NLRP7: variants seen among roughly 807,000 people sequenced by gnomAD.
The protein encoded by NLRP7 is NACHT, LRR and PYD domains-containing protein 7.
NLRP7 carries 72 observed loss-of-function variants against 85.5 expected under a neutral mutation model. The ratio of observed to expected loss-of-function variants is 0.84; its 90% CI spans 0.70 to 1.02. The LOEUF is 1.02. Among genes scored for constraint, NLRP7 ranks in the 50% least tolerant of loss-of-function variants. The pLI, the probability that NLRP7 is intolerant of heterozygous loss-of-function variation, is 0.00. For synonymous variants in NLRP7, 550 were observed against 505.2 expected (o/e 1.09, Z -1.19); for missense variants, 1,243 against 1,219.5 (o/e 1.02, Z -0.29).
At chr19:54,943,433 C>G (rs1373143780) in intron 1 of NLRP7, among the ~76,000 whole-genome samples, 1 of 152,060 alleles carries the variant, frequency 6.6e-6, no homozygotes, top group East Asian at 1.9e-4. Context: ...AACCCCGTCT[C>G]TACTAAAAAT....
chr19:54,965,413 CT>C lies in NLRP7; in HGVS notation c.-77+626del. On this transcript the variant is annotated intron_variant, in intron 1 of 2. Transcript: ENST00000587103. ...CTCCGGCAGCTCTGCAACTTCATTT[CT>C]TTATTTCTCCATTCCACAGTTGGTA... is the stretch of plus-strand genomic sequence containing the variant. 2 of 100,206 alleles carry C rather than the reference CT, an allele frequency of 2.0e-5. 1 individual carries two copies. Among genetic ancestry groups the C allele is most frequent in the Non-Finnish European group, 4.2e-5 (2 of 47,770 alleles). The allele number at this position is 100,206 out of a possible 1,614,324, so 6.2% of individuals were successfully genotyped here.
rs1392275574 is a variant in NLRP7 at position 54,940,488 on chromosome 19, C to G, written c.353-22G>C. ...TCACCTGCAGTGACAGCCCATAGGA[C>G]AGTTGAGGTTGATGATGATGATTTT... On this transcript the variant is annotated intron_variant, in intron 3 of 9. Transcript: ENST00000340844. The G allele has an allele frequency of 2.5e-6, 4 of 1,612,408 alleles. No individual in the cohort carries two copies. In the Admixed American group the frequency reaches 5.0e-5, roughly 20 times the overall value.
chr19:54,945,694 G>A (rs1056361861), intron 1 of NLRP7, among the ~76,000 whole-genome samples: 1 of 152,152 alleles, frequency 6.6e-6, no homozygotes, highest in East Asian at 1.9e-4. Flanking sequence ...CACCTCCCAG[G>A]TTCAAGTGAT....
At chr19:54,947,559 GGA>G (rs2069529277), upstream of NLRP7, 1 of 1,289,480 alleles carries the variant, frequency 7.8e-7, no homozygotes, top group Non-Finnish European at 1.0e-6. Flanking sequence ...TACGCTAGGT[GGA>G]GAGACAGCTT....
rs2068803608 is a variant in NLRP7, at chr19:54,934,353, C to A, written c.2471+136G>T. On this transcript the variant is annotated intron_variant, in intron 7 of 9. Transcript: ENST00000340844. This position sits in a 1 kb window ranked among gnomAD's most constrained non-coding sequence, Gnocchi z 6.7. ...CTCTGCTGAGATTACAGGCAGGAGC[C>A]ACCGTGCCGGGCCTGAAGCAGGTGT... 1 of 879,164 alleles carries A rather than the reference C, an allele frequency of 1.1e-6. No homozygotes were observed. The highest frequency in any genetic ancestry group is 1.9e-6 in the Non-Finnish European group (1 of 515,326). 54.5% of individuals were successfully genotyped at this position (879,164 alleles called of 1,614,324 possible). A position where few individuals can be genotyped will look rare whatever the true frequency, so the allele number is the denominator to read the frequency against.
At chr19:54,940,410 T>C in exon 4 of NLRP7, 1 of 1,614,038 alleles carries the variant, frequency 6.2e-7, no homozygotes, top group Admixed American at 1.7e-5. Context: ...TGCCAAAAGG[T>C]GTTCTTCCAG....
intron 1 of NLRP7, among the ~76,000 whole-genome samples, chr19:54,962,669 A>G (rs548167995): frequency 5.2e-4 from 78 of 150,202 alleles, no homozygotes; most frequent in African/African-American, 1.4e-3. Flanking sequence ...GCGCGATCTC[A>G]GCTCACTGCA....
chr19:54,924,044 T>C (rs750214792), intron 9 of NLRP7, among the ~76,000 whole-genome samples, 172 bp from the exon 11 acceptor site: 5 of 152,152 alleles, frequency 3.3e-5, no homozygotes, highest in Non-Finnish European at 7.3e-5. Flanking sequence ...CTTGGCTCTC[T>C]GCAACCTCCA....
At chr19:54,933,971 C>T (rs1195545786) in intron 7 of NLRP7, among the ~76,000 whole-genome samples, 1 of 152,184 alleles carries the variant, frequency 6.6e-6, no homozygotes, top group Non-Finnish European at 1.5e-5. Context: ...GAGACGGAGT[C>T]TCGCTCTGTC....
At chr19:54,961,022 G>A (rs2070024194) in intron 1 of NLRP7, among the ~76,000 whole-genome samples, 2 of 152,146 alleles carry the variant, frequency 1.3e-5, no homozygotes, top group South Asian at 2.1e-4. Flanking sequence ...TGAAATTGCT[G>A]TTGAAATGTG....
chr19:54,928,314 G>A (rs1278308674), intron 9 of NLRP7, among the ~76,000 whole-genome samples: 1 of 152,154 alleles, frequency 6.6e-6, no homozygotes, highest in African/African-American at 2.4e-5. Flanking sequence ...AGAATCGCCT[G>A]AACCAGGAGG....
chr19:54,955,588 A>C (rs1318850467), intron 1 of NLRP7, among the ~76,000 whole-genome samples: 2 of 152,180 alleles, frequency 1.3e-5, no homozygotes, highest in Non-Finnish European at 2.9e-5. Context: ...ATTTGAGGTC[A>C]GACCAGCCTG....
chr19:54,947,533 G>C, upstream of NLRP7: 11 of 1,289,664 alleles, frequency 8.5e-6, no homozygotes, highest in Non-Finnish European at 1.1e-5. Context: ...AAAAAGGGGA[G>C]GTCTCTGGCC....
intron 1 of NLRP7, among the ~76,000 whole-genome samples, chr19:54,956,626 G>A (rs919903474): frequency 5.9e-5 from 9 of 151,326 alleles, no homozygotes; most frequent in South Asian, 2.1e-4. Context: ...CCCGGGAGGC[G>A]GAGGTTGCAG....
In NLRP7 at chr19:54,930,492, C is replaced by A; in HGVS notation, c.2810+7G>T. On this transcript the variant is annotated splice_region_variant and intron_variant, in intron 9 of 9. Transcript: ENST00000340844. ...AAGAAAGAAAGAAGAAAAAGAAAAT[C>A]GCCTACCGTAGGTGTTTTAGGTTAC... The A allele has an allele frequency of 6.3e-7, 1 of 1,589,484 alleles. No homozygotes were observed. The highest frequency in any genetic ancestry group is 8.6e-7 in the Non-Finnish European group (1 of 1,158,144).
intron 9 of NLRP7, among the ~76,000 whole-genome samples, chr19:54,924,976 A>G (rs2068371578): frequency 6.6e-6 from 1 of 152,158 alleles, no homozygotes; most frequent in Non-Finnish European, 1.5e-5. Context: ...TCAAACCTTC[A>G]GTAGAACTAA....
intron 1 of NLRP7, among the ~76,000 whole-genome samples, chr19:54,958,171 A>T (rs1035135772): frequency 3.9e-5 from 6 of 151,906 alleles, no homozygotes; most frequent in Non-Finnish European, 7.4e-5. Context: ...TGCTATCTCC[A>T]GGATTATGGG....
intron 1 of NLRP7, among the ~76,000 whole-genome samples, chr19:54,946,071 G>A (rs2069457569): frequency 6.6e-6 from 1 of 151,956 alleles, no homozygotes; most frequent in African/African-American, 2.4e-5. Context: ...GATTACAGGC[G>A]TGAGCCACCG....
exon 6 of NLRP7, chr19:54,936,280 A>G (rs2146201295): frequency 1.2e-6 from 2 of 1,613,544 alleles, no homozygotes; most frequent in Non-Finnish European, 1.7e-6. Flanking sequence ...TGCAGGTTGC[A>G]TTTATGATTT....
Sources: allele counts gnomAD v4.1 joint callset (sites outside exome capture counted in the v4.1 genomes callset), GRCh38; gene constraint gnomAD v4.1.1; non-coding constraint Gnocchi (gnomAD v3.1); transcripts MANE v1.5; gene names NCBI Gene and HGNC (gene_info 2026-07-23, HGNC 2026-07-21).